SEMA3A: variants seen among roughly 807,000 people sequenced by gnomAD.
SEMA3A encodes the protein semaphorin-3A.
In SEMA3A, 29 loss-of-function variants were observed where a neutral mutation model predicts 97.9. That is an observed-to-expected ratio of 0.30 (90% CI 0.22 to 0.40). The LOEUF is 0.40. Ranked by LOEUF, SEMA3A falls within the 10% of genes least tolerant of loss-of-function variation. The pLI, the probability that SEMA3A is intolerant of heterozygous loss-of-function variation, is 1.00. For synonymous variants in SEMA3A, 321 were observed against 323.7 expected (o/e 0.99, Z 0.09); for missense variants, 763 against 951.3 (o/e 0.80, Z 2.60).
At chr7:84,243,355 T>A (rs972758722) in intron 3 of SEMA3A, among the ~76,000 whole-genome samples, 1 of 152,218 alleles carries the variant, frequency 6.6e-6, no homozygotes, top group Admixed American at 6.5e-5. Context: ...GGATTCGACT[T>A]CTTCCTGGTT....
chr7:84,407,018 C>G (rs1804112218), intron 1 of SEMA3A, among the ~76,000 whole-genome samples: 1 of 152,168 alleles, frequency 6.6e-6, no homozygotes, highest in Non-Finnish European at 1.5e-5. Flanking sequence ...TCTCACCACT[C>G]CCATTCAACA....
At chr7:84,002,464 G>A (rs543530217) in intron 11 of SEMA3A, among the ~76,000 whole-genome samples, 1 of 152,232 alleles carries the variant, frequency 6.6e-6, no homozygotes, top group African/African-American at 2.4e-5. Context: ...TGTCACGACA[G>A]GTTCTTCCAC....
At chr7:84,041,053 C>A (rs1792118083) in intron 6 of SEMA3A, among the ~76,000 whole-genome samples, 1 of 151,820 alleles carries the variant, frequency 6.6e-6, no homozygotes, top group African/African-American at 2.4e-5. Flanking sequence ...TAAAAAAATT[C>A]AAATGGAAAA....
intron 6 of SEMA3A, among the ~76,000 whole-genome samples, chr7:84,035,179 C>G (rs1562987406): frequency 2.6e-5 from 4 of 152,072 alleles, no homozygotes; most frequent in Admixed American, 2.0e-4. Context: ...ATTTCCCTAT[C>G]TTTTGAAATA....
At chr7:84,120,083 T>C (rs1302410516) in intron 3 of SEMA3A, among the ~76,000 whole-genome samples, 3 of 147,692 alleles carry the variant, frequency 2.0e-5, no homozygotes, top group Non-Finnish European at 4.5e-5. Context: ...GTATTTCAAA[T>C]GCTAGCCTTA....
chr7:84,256,369 A>G (rs1379254032), intron 3 of SEMA3A, among the ~76,000 whole-genome samples: 1 of 152,062 alleles, frequency 6.6e-6, no homozygotes, highest in African/African-American at 2.4e-5. Flanking sequence ...TTAAAGCTCT[A>G]TTGAAGTGCA....
At chr7:84,049,974 T>C (rs1160231246) in intron 5 of SEMA3A, among the ~76,000 whole-genome samples, 12 of 150,024 alleles carry the variant, frequency 8.0e-5, no homozygotes, top group African/African-American at 2.9e-4. Flanking sequence ...GTTTGGTTTT[T>C]TGTTCTTGCG....
At chr7:84,399,600 C>G (rs1357013931) in intron 1 of SEMA3A, among the ~76,000 whole-genome samples, 2 of 152,168 alleles carry the variant, frequency 1.3e-5, no homozygotes, top group Admixed American at 6.5e-5. Flanking sequence ...AATAAAGCAC[C>G]AGGGAGAATC....
At chr7:84,130,965 A>C (rs1176489282) in intron 2 of SEMA3A, among the ~76,000 whole-genome samples, 2 of 152,044 alleles carry the variant, frequency 1.3e-5, no homozygotes, top group Non-Finnish European at 2.9e-5. Context: ...AATTGTTGAG[A>C]CAGTATAGAC....
chr7:83,994,191 A>C, intron 12 of SEMA3A, among the ~76,000 whole-genome samples: 1 of 113,182 alleles, frequency 8.8e-6, no homozygotes, highest in African/African-American at 3.4e-5. Flanking sequence ...ACTTCTCTGT[A>C]TTGGTTATTC....
In SEMA3A at chr7:84,071,244, T is replaced by C. The variant is rs79881843; in HGVS notation, c.454-10686A>G. On this transcript the variant is annotated intron_variant, in intron 4 of 16. Coordinates refer to ENST00000265362, the MANE Select transcript of SEMA3A (RefSeq NM_006080.3). Reference sequence around the variant, plus strand: ...GGCTTCCATAATGGATAAAGGCAAATATAGAATATTTCCATTGAACAACAC... The same window carrying C: ...GGCTTCCATAATGGATAAAGGCAAACATAGAATATTTCCATTGAACAACAC... 7.6e-3 allele frequency among the ~76,000 whole-genome samples: 1,155 copies of C among 152,058 alleles called. 15 individuals are homozygous for C. The highest frequency in any genetic ancestry group is 0.027 in the African/African-American group (1,113 of 41,466).
At chr7:84,208,349 G>T (rs771248217) in intron 3 of SEMA3A, among the ~76,000 whole-genome samples, 7 of 151,820 alleles carry the variant, frequency 4.6e-5, no homozygotes, top group Non-Finnish European at 8.8e-5. Flanking sequence ...CTACTGGGGA[G>T]GCTGAGGCAG....
rs1288695643 is a variant in SEMA3A at position 83,956,645 on chromosome 7, A to G, written c.*4726T>C. 1.3e-5 allele frequency: 2 copies of G among 152,214 alleles called. No individual in the cohort carries two copies. The highest frequency in any genetic ancestry group is 2.9e-5 in the Non-Finnish European group (2 of 68,024). The allele number at this position is 152,214 out of a possible 1,614,324, so 9.4% of individuals were successfully genotyped here. On this transcript the variant is annotated 3_prime_UTR_variant, in exon 17 of 17. Coordinates refer to ENST00000265362, the MANE Select transcript of SEMA3A (RefSeq NM_006080.3). ...GAATGTGGGGTACAAACAGAGGGCA[A>G]TAAATCAAAACCCAGGAAAAAGCAA...
chr7:84,106,944 T>G (rs1795126978), intron 4 of SEMA3A, among the ~76,000 whole-genome samples: 1 of 152,176 alleles, frequency 6.6e-6, no homozygotes, highest in African/African-American at 2.4e-5. Flanking sequence ...AGACAAAATT[T>G]TAAAAGGAGA....
chr7:84,060,386 C>A, intron 5 of SEMA3A, 79 bp downstream of exon 5: 3 of 842,232 alleles, frequency 3.6e-6, no homozygotes. Flanking sequence ...AATGGAAAAT[C>A]TTGGTAGATA....
intron 5 of SEMA3A, among the ~76,000 whole-genome samples, chr7:84,054,965 G>T (rs1792885370): frequency 6.6e-6 from 1 of 152,126 alleles, no homozygotes; most frequent in African/African-American, 2.4e-5. Flanking sequence ...ACCCTGCCAT[G>T]TGAGGTGTCA....
intron 4 of SEMA3A, among the ~76,000 whole-genome samples, chr7:84,101,656 A>AT (rs1794962866): frequency 6.6e-6 from 1 of 152,174 alleles, no homozygotes; most frequent in Non-Finnish European, 1.5e-5. Flanking sequence ...AGTTTAAATA[A>AT]TATTATCATA....
At chr7:84,258,122 G>A (rs910252193) in intron 3 of SEMA3A, among the ~76,000 whole-genome samples, 3 of 152,092 alleles carry the variant, frequency 2.0e-5, no homozygotes, top group Admixed American at 2.0e-4. Flanking sequence ...CTCACACAGG[G>A]TCAGCACATT....
chr7:84,365,870 T>C (rs893055150), intron 2 of SEMA3A, among the ~76,000 whole-genome samples: 8 of 151,364 alleles, frequency 5.3e-5, no homozygotes, highest in Admixed American at 2.0e-4. Context: ...ATAAATAACA[T>C]GAGTTTAACT....
Sources: allele counts gnomAD v4.1 joint callset (sites outside exome capture counted in the v4.1 genomes callset), GRCh38; gene constraint gnomAD v4.1.1; transcripts MANE v1.5; gene names NCBI Gene and HGNC (gene_info 2026-07-23, HGNC 2026-07-21).